SNTG2: variants seen among roughly 807,000 people sequenced by gnomAD.
The protein encoded by SNTG2 is syntrophin gamma 2.
Under a neutral mutation model 70.9 loss-of-function variants are expected in SNTG2, and 74 were observed. The ratio of observed to expected loss-of-function variants is 1.04; its 90% CI spans 0.86 to 1.27. The LOEUF is 1.27. Ranked by LOEUF, SNTG2 falls within the 50% of genes most tolerant of loss-of-function variation. SNTG2 has a pLI of 0.00. For synonymous variants in SNTG2, 278 were observed against 273.8 expected (o/e 1.02, Z -0.15); for missense variants, 717 against 690.7 (o/e 1.04, Z -0.43).
intron 8 of SNTG2, among the ~76,000 whole-genome samples, chr2:1,204,843 G>A (rs992221791): frequency 6.6e-6 from 1 of 152,154 alleles, no homozygotes; most frequent in Non-Finnish European, 1.5e-5. Flanking sequence ...TTCACTGGGA[G>A]TCTTTTTTAT....
chr2:978,880 A>T (rs1661000043), intron 1 of SNTG2, among the ~76,000 whole-genome samples: 1 of 152,238 alleles, frequency 6.6e-6, no homozygotes, highest in Non-Finnish European at 1.5e-5. Context: ...GTCCTCATCC[A>T]TAAAGTCATT....
intron 1 of SNTG2, among the ~76,000 whole-genome samples, chr2:1,018,719 C>G (rs1319962722): frequency 6.6e-6 from 1 of 151,992 alleles, no homozygotes; most frequent in Non-Finnish European, 1.5e-5. Flanking sequence ...AATGCATGCT[C>G]AAGTGGCTGG....
intron 9 of SNTG2, among the ~76,000 whole-genome samples, chr2:1,212,266 C>T (rs973322186): frequency 3.3e-5 from 5 of 152,154 alleles, no homozygotes; most frequent in African/African-American, 1.2e-4. Flanking sequence ...CACCTCCCCA[C>T]TCTCTCTCTT....
chr2:1,017,968 G>A (rs940283262), intron 1 of SNTG2, among the ~76,000 whole-genome samples: 3 of 152,064 alleles, frequency 2.0e-5, no homozygotes, highest in African/African-American at 7.2e-5. Context: ...AGTGCCCCAC[G>A]CCATCTCCAG....
chr2:1,050,993 CAT>C (rs1662024345), intron 1 of SNTG2, among the ~76,000 whole-genome samples: 1 of 152,176 alleles, frequency 6.6e-6, no homozygotes, highest in Non-Finnish European at 1.5e-5. Context: ...AAAATATTGA[CAT>C]AATAAACTGA....
chr2:1,298,711 T>G (rs943199725), intron 14 of SNTG2, among the ~76,000 whole-genome samples: 1 of 152,144 alleles, frequency 6.6e-6, no homozygotes, highest in Non-Finnish European at 1.5e-5. Context: ...TCAACTTGAT[T>G]GGCTTGAAGG....
intron 14 of SNTG2, among the ~76,000 whole-genome samples, chr2:1,306,891 T>C (rs555514882): frequency 6.6e-6 from 1 of 152,286 alleles, no homozygotes; most frequent in South Asian, 2.1e-4. Flanking sequence ...AGCTGTGCGC[T>C]GTGTGCCCCG....
chr2:1,116,403 C>T lies in SNTG2; in HGVS notation c.325+17993C>T, dbSNP rs528328832. On this transcript the variant is annotated intron_variant, in intron 4 of 16. Coordinates refer to ENST00000308624, the MANE Select transcript of SNTG2 (RefSeq NM_018968.4). ...GCTGCTCACCCGTGGCCCTGGCTCA[C>T]GCAAAACTCTCCAGAATTAGGGGTG... Among the ~76,000 whole-genome samples the T allele has an allele frequency of 8.5e-5, 13 of 152,286 alleles. No homozygotes were observed. In the East Asian group the frequency reaches 1.2e-3, roughly 14 times the overall value.
chr2:1,045,816 G>A (rs918559876), intron 1 of SNTG2, among the ~76,000 whole-genome samples: 1 of 152,104 alleles, frequency 6.6e-6, no homozygotes, highest in African/African-American at 2.4e-5. Context: ...TAATTTTAGA[G>A]TGTCATGTCC....
intron 9 of SNTG2, among the ~76,000 whole-genome samples, chr2:1,235,822 A>G (rs1344582389): frequency 1.3e-5 from 2 of 152,222 alleles, no homozygotes; most frequent in Admixed American, 6.5e-5. Context: ...GATGGGGAAA[A>G]TTGGAGGATG....
At position 1,162,563 on chromosome 2, in the gene SNTG2, G is replaced by A. The variant is rs569257098; in HGVS notation, c.412-2985G>A. 3.7e-4 allele frequency among the ~76,000 whole-genome samples: 56 copies of A among 152,224 alleles called. 1 individual carries two copies. The highest frequency in any genetic ancestry group is 8.2e-4 in the African/African-American group (34 of 41,534). On this transcript the variant is annotated intron_variant, in intron 6 of 16. Transcript: ENST00000308624. ...GGGAGGTGGCTGGACAGTGGACAGC[G>A]GAGGTCTGTGTGATCTCCCCTCCCA...
At chr2:1,298,461 T>C (rs766909456) in intron 14 of SNTG2, among the ~76,000 whole-genome samples, 4 of 152,166 alleles carry the variant, frequency 2.6e-5, no homozygotes, top group Non-Finnish European at 4.4e-5. Context: ...ATAATTAATA[T>C]GTAAACAGAA....
Position 1,251,653 on chromosome 2 carries a change from C to T in SNTG2, c.1005+4210C>T, listed in dbSNP as rs1387045686. On this transcript the variant is annotated intron_variant, in intron 12 of 16. Transcript: ENST00000308624. ...ACACACACCACACAAACCCCACACA[C>T]ACCACACATGCACACACCACACACA... is the stretch of plus-strand genomic sequence containing the variant. 2.0e-5 allele frequency among the ~76,000 whole-genome samples: 3 copies of T among 150,358 alleles called. No individual in the cohort carries two copies. The East Asian group carries it at 5.9e-4, about 30-fold the overall frequency.
intron 1 of SNTG2, among the ~76,000 whole-genome samples, 165 bp from the exon 2 acceptor site, chr2:1,083,353 T>G (rs540730343): frequency 6.6e-6 from 1 of 152,238 alleles, no homozygotes; most frequent in Non-Finnish European, 1.5e-5. Flanking sequence ...TATTATTTTT[T>G]GCATAAATGA....
At chr2:1,053,646 C>T (rs557170081) in intron 1 of SNTG2, among the ~76,000 whole-genome samples, 4 of 152,260 alleles carry the variant, frequency 2.6e-5, no homozygotes, top group Non-Finnish European at 2.9e-5. Flanking sequence ...TGGCATCCAT[C>T]TCTGTCGTCC....
intron 11 of SNTG2, among the ~76,000 whole-genome samples, chr2:1,246,213 G>A (rs183684979): frequency 2.0e-4 from 31 of 152,276 alleles, no homozygotes; most frequent in Admixed American, 1.4e-3. Context: ...ATAGCTGTTC[G>A]GCTACGCGTC....
At chr2:1,237,053 C>T (rs1676707168) in intron 9 of SNTG2, among the ~76,000 whole-genome samples, 2 of 151,816 alleles carry the variant, frequency 1.3e-5, no homozygotes, top group Admixed American at 6.6e-5. Context: ...GGAGATTCTC[C>T]TGCCGTAGCC....
intron 1 of SNTG2, among the ~76,000 whole-genome samples, chr2:1,054,427 C>T (rs979421986): frequency 2.0e-5 from 3 of 152,162 alleles, no homozygotes; most frequent in African/African-American, 4.8e-5. Context: ...TAGAGGGCTT[C>T]GGGGATTTTC....
At chr2:1,308,122 A>G (rs1680795325) in intron 14 of SNTG2, among the ~76,000 whole-genome samples, 1 of 152,144 alleles carries the variant, frequency 6.6e-6, no homozygotes, top group African/African-American at 2.4e-5. Context: ...AAAAGTGAAC[A>G]TATTCCCCAA....
Sources: gnomAD v4.1 joint callset for allele counts (sites outside exome capture counted in the v4.1 genomes callset) on GRCh38, gnomAD v4.1.1 for gene constraint, MANE v1.5 for transcripts, NCBI Gene and HGNC (gene_info 2026-07-23, HGNC 2026-07-21) for gene names.